Variants in COMMD1 observed in about 807,000 individuals in gnomAD.
COMMD1 encodes the protein copper metabolism domain containing 1, also known as COMM domain-containing protein 1.
COMMD1 carries 10 observed loss-of-function variants against 17.2 expected under a neutral mutation model. The ratio of observed to expected loss-of-function variants is 0.58; its 90% CI spans 0.36 to 0.99. The LOEUF is 0.99. COMMD1 is among the 50% of genes least tolerant of loss of function. The probability of loss-of-function intolerance (pLI) is 0.01; values close to 1 mark genes in which losing one functional copy is unlikely to be tolerated. For missense variants in COMMD1, 270 were observed against 231.8 expected, an observed-to-expected ratio of 1.17 and a Z score of -1.07; for synonymous variants, 97 against 91.6, an observed-to-expected ratio of 1.06 and a Z score of -0.34.
chr2:61,926,153 A>T (rs899444394), intron 1 of COMMD1, among the ~76,000 whole-genome samples: 1 of 151,976 alleles, frequency 6.6e-6, no homozygotes, highest in African/African-American at 2.4e-5. Context: ...TGTATTTTTT[A>T]GTAGAGACGG....
chr2:62,059,111 C>T (rs1482777538), intron 2 of COMMD1, among the ~76,000 whole-genome samples: 1 of 152,162 alleles, frequency 6.6e-6, no homozygotes, highest in African/African-American at 2.4e-5. Context: ...AGCTTTATAT[C>T]AGACATATAT....
At chr2:61,939,283 C>A (rs534246510) in intron 1 of COMMD1, among the ~76,000 whole-genome samples, 1 of 143,846 alleles carries the variant, frequency 7.0e-6, no homozygotes, top group African/African-American at 2.6e-5. Context: ...GAAACCCAGT[C>A]TCTACTAAAA....
intron 2 of COMMD1, among the ~76,000 whole-genome samples, chr2:62,058,995 G>T (rs1425078327): frequency 6.6e-6 from 1 of 152,044 alleles, no homozygotes; most frequent in East Asian, 1.9e-4. Context: ...AGTCAGGCCG[G>T]TCTCGAACTC....
intron 2 of COMMD1, among the ~76,000 whole-genome samples, chr2:62,048,007 G>A (rs1670429356): frequency 6.6e-6 from 1 of 152,036 alleles, no homozygotes; most frequent in Non-Finnish European, 1.5e-5. Flanking sequence ...TACACTCTAT[G>A]ATGTTAACAT....
At chr2:61,921,519 C>T (rs1264367682) in intron 1 of COMMD1, among the ~76,000 whole-genome samples, 4 of 152,180 alleles carry the variant, frequency 2.6e-5, no homozygotes, top group African/African-American at 9.7e-5. Flanking sequence ...TTTCTGCTCA[C>T]TGCAAGCTCA....
At chr2:62,076,678 C>T (rs1351281069) in intron 2 of COMMD1, among the ~76,000 whole-genome samples, 1 of 150,590 alleles carries the variant, frequency 6.6e-6, no homozygotes, top group African/African-American at 2.5e-5. Context: ...ACCCCGGAGG[C>T]GGAGGTTGCA....
intron 2 of COMMD1, among the ~76,000 whole-genome samples, chr2:62,057,079 A>G (rs1413393365): frequency 6.6e-6 from 1 of 151,996 alleles, no homozygotes; most frequent in African/African-American, 2.4e-5. Context: ...ACCACCCCCA[A>G]TCCTGCAACT....
At chr2:61,995,399 C>G (rs1236539970) in intron 1 of COMMD1, among the ~76,000 whole-genome samples, 1 of 152,196 alleles carries the variant, frequency 6.6e-6, no homozygotes, top group Non-Finnish European at 1.5e-5. Context: ...CTCAGTTTTT[C>G]TATTCACTGT....
At chr2:62,084,567 C>A (rs1671608353) in intron 2 of COMMD1, among the ~76,000 whole-genome samples, 1 of 152,160 alleles carries the variant, frequency 6.6e-6, no homozygotes, top group Non-Finnish European at 1.5e-5. Context: ...CCATGCAGTT[C>A]ACACTCATAT....
At chr2:61,937,133 A>T (rs1286967996) in intron 1 of COMMD1, among the ~76,000 whole-genome samples, 1 of 152,218 alleles carries the variant, frequency 6.6e-6, no homozygotes, top group Non-Finnish European at 1.5e-5. Flanking sequence ...TATCCTGCAG[A>T]TAAAGCCTCC....
intron 2 of COMMD1, among the ~76,000 whole-genome samples, chr2:62,078,157 C>T (rs1671400918): frequency 2.0e-5 from 3 of 149,446 alleles, no homozygotes; most frequent in African/African-American, 5.0e-5. Context: ...CACCTGTAGT[C>T]CCTGCTACTC....
intron 1 of COMMD1, among the ~76,000 whole-genome samples, chr2:61,975,118 C>CTTTTTTTT: frequency 6.9e-3 from 556 of 80,114 alleles, no homozygotes; most frequent in East Asian, 8.2e-3. Flanking sequence ...TCATTTCTTT[C>CTTTTTTTT]TTTTTTTTTT....
intron 2 of COMMD1, among the ~76,000 whole-genome samples, chr2:62,104,412 T>A (rs1672265874): frequency 6.6e-6 from 1 of 151,856 alleles, no homozygotes; most frequent in Admixed American, 6.6e-5. Flanking sequence ...GGTGGGCAGA[T>A]CACCTGAGGT....
At chr2:61,902,777 C>G (rs1384021792), upstream of COMMD1, among the ~76,000 whole-genome samples, 1 of 151,610 alleles carries the variant, frequency 6.6e-6, no homozygotes, top group Non-Finnish European at 1.5e-5. Context: ...CCTGGGAGGT[C>G]GAGACTGCAG....
intron 1 of COMMD1, among the ~76,000 whole-genome samples, chr2:61,967,485 A>G (rs1246017495): frequency 6.6e-6 from 1 of 152,228 alleles, no homozygotes; most frequent in African/African-American, 2.4e-5. Context: ...AAATCAGGAA[A>G]GCCAAGGATG....
chr2:62,094,053 G>T (rs1225200677), intron 2 of COMMD1, among the ~76,000 whole-genome samples: 1 of 152,134 alleles, frequency 6.6e-6, no homozygotes, highest in Non-Finnish European at 1.5e-5. Flanking sequence ...AACCATCCGT[G>T]AACCAAATTA....
chr2:61,954,142 G>A (rs1338202331), intron 1 of COMMD1, among the ~76,000 whole-genome samples: 8 of 152,118 alleles, frequency 5.3e-5, no homozygotes. Context: ...CCGGGAGGCA[G>A]AGGTTGCAAT....
At chr2:62,048,337 C>T (rs1294048588) in intron 2 of COMMD1, among the ~76,000 whole-genome samples, 1 of 152,012 alleles carries the variant, frequency 6.6e-6, no homozygotes, top group Admixed American at 6.6e-5. Flanking sequence ...CGCCCGCCAC[C>T]ACACCCGGCT....
chr2:61,994,618 G>T (rs541779874), intron 1 of COMMD1, among the ~76,000 whole-genome samples: 3 of 152,152 alleles, frequency 2.0e-5, no homozygotes, highest in South Asian at 4.2e-4. Context: ...ATGGAATTTT[G>T]GGTTGTCTGT....
Sources: allele counts gnomAD v4.1 joint callset (sites outside exome capture counted in the v4.1 genomes callset), GRCh38; gene constraint gnomAD v4.1.1; transcripts MANE v1.5; gene names NCBI Gene and HGNC (gene_info 2026-07-23, HGNC 2026-07-21).